ARID5B: variants seen among roughly 807,000 people sequenced by gnomAD.
The protein encoded by ARID5B is AT-rich interactive domain-containing protein 5B.
A neutral mutation model predicts 97.2 loss-of-function variants in ARID5B; 13 were observed. That is an observed-to-expected ratio of 0.13 (90% CI 0.09 to 0.21). The LOEUF (loss-of-function observed/expected upper bound fraction) is 0.21, where lower values mean the gene tolerates loss of function less well. Ranked by LOEUF, ARID5B falls within the 10% of genes least tolerant of loss-of-function variation. ARID5B has a pLI of 1.00. For missense variants in ARID5B, 1,210 were observed against 1,465.3 expected, an observed-to-expected ratio of 0.83 and a Z score of 2.84; for synonymous variants, 556 against 570.3, an observed-to-expected ratio of 0.97 and a Z score of 0.36.
intron 2 of ARID5B, among the ~76,000 whole-genome samples, chr10:61,938,820 C>A (rs2132793676): frequency 6.6e-6 from 1 of 151,574 alleles, no homozygotes; most frequent in Middle Eastern, 3.4e-3. Context: ...AGACTTTCTT[C>A]TCAGAAGCAG....
intron 8 of ARID5B, among the ~76,000 whole-genome samples, chr10:62,070,952 G>T (rs945098400): frequency 2.6e-5 from 4 of 151,802 alleles, no homozygotes; most frequent in Non-Finnish European, 5.9e-5. Flanking sequence ...TGATATCTCA[G>T]GTGAGTGTTC....
chr10:62,055,405 G>A (rs1489474462), intron 5 of ARID5B, among the ~76,000 whole-genome samples: 1 of 152,070 alleles, frequency 6.6e-6, no homozygotes, highest in Non-Finnish European at 1.5e-5. Flanking sequence ...TTTTAAGTTT[G>A]AAATAACACA....
intron 4 of ARID5B, among the ~76,000 whole-genome samples, chr10:62,032,998 C>A (rs1423608169): frequency 6.6e-6 from 1 of 152,202 alleles, no homozygotes; most frequent in Non-Finnish European, 1.5e-5. Context: ...TGGGGCCCAA[C>A]CTTCCTGAAA....
chr10:61,920,805 T>G (rs1291945177), intron 2 of ARID5B, among the ~76,000 whole-genome samples: 1 of 152,146 alleles, frequency 6.6e-6, no homozygotes, highest in Non-Finnish European at 1.5e-5. Flanking sequence ...TGGGGGGTGA[T>G]AAGGGGATGA....
chr10:62,067,541 G>C (rs1840010083), intron 7 of ARID5B, among the ~76,000 whole-genome samples: 1 of 152,242 alleles, frequency 6.6e-6, no homozygotes, highest in African/African-American at 2.4e-5. Context: ...TAAAGGTTGA[G>C]AACTCACAGC....
intron 4 of ARID5B, among the ~76,000 whole-genome samples, chr10:62,026,514 A>G (rs1271361691): frequency 1.3e-5 from 2 of 152,256 alleles, no homozygotes; most frequent in South Asian, 4.1e-4. Context: ...AAGTACTCCA[A>G]TAGAGCTAAA....
At chr10:62,036,448 T>C (rs1246154123) in intron 4 of ARID5B, among the ~76,000 whole-genome samples, 1 of 152,176 alleles carries the variant, frequency 6.6e-6, no homozygotes, top group Non-Finnish European at 1.5e-5. Context: ...ACTTTCCTGA[T>C]GGCTTTGCAA....
Position 62,000,512 on chromosome 10 carries a change from G to T in ARID5B, c.733+191G>T, listed in dbSNP as rs1230845488. 6.7e-6 allele frequency among the ~76,000 whole-genome samples: 1 copy of T among 149,260 alleles called. No individual in the cohort carries two copies. Among genetic ancestry groups the T allele is most frequent in the African/African-American group, 2.5e-5 (1 of 40,592 alleles). On this transcript the variant is annotated intron_variant, in intron 4 of 9. Coordinates refer to ENST00000279873, the MANE Select transcript of ARID5B (RefSeq NM_032199.3). This position sits in a 1 kb window ranked among gnomAD's most constrained non-coding sequence, Gnocchi z 4.4. ...CTCCTTCGTAGCCTCTGTTTACTAT[G>T]AGTAAGAGATGATTATTTATAATTT...
At chr10:61,957,796 T>C (rs924534622) in intron 3 of ARID5B, among the ~76,000 whole-genome samples, 2 of 152,266 alleles carry the variant, frequency 1.3e-5, no homozygotes, top group South Asian at 2.1e-4. Context: ...AAATAATGTA[T>C]GTGTCTCACT....
intron 2 of ARID5B, among the ~76,000 whole-genome samples, chr10:61,931,031 G>A (rs1287914994): frequency 6.6e-6 from 1 of 152,162 alleles, no homozygotes; most frequent in Admixed American, 6.5e-5. Flanking sequence ...GTTCTTAACA[G>A]GAAGGAGAGT....
intron 3 of ARID5B, among the ~76,000 whole-genome samples, chr10:61,966,501 G>C (rs1270830749): frequency 2.0e-5 from 3 of 152,060 alleles, no homozygotes; most frequent in Admixed American, 2.0e-4. Flanking sequence ...GTGATATTGA[G>C]ATTACTTGCC....
intron 4 of ARID5B, among the ~76,000 whole-genome samples, chr10:62,019,604 A>T (rs1284707350): frequency 2.6e-5 from 4 of 152,206 alleles, no homozygotes; most frequent in Non-Finnish European, 5.9e-5. Context: ...TAAGAGTATT[A>T]TTATGTATCC....
intron 4 of ARID5B, chr10:62,024,671 G>A (rs2393734): frequency 0.98 from 390,054 of 396,244 alleles, 192,283 homozygotes; most frequent in East Asian, 1. Context: ...TTTTTCTTTC[G>A]GGAGGCAGAT....
intron 2 of ARID5B, among the ~76,000 whole-genome samples, chr10:61,925,470 T>C (rs1844087983): frequency 6.6e-6 from 1 of 151,922 alleles, no homozygotes; most frequent in Non-Finnish European, 1.5e-5. Context: ...GACCATGGAG[T>C]TTACACCCTA....
intron 3 of ARID5B, among the ~76,000 whole-genome samples, chr10:61,987,152 A>C (rs1176452144): frequency 6.6e-6 from 1 of 152,196 alleles, no homozygotes; most frequent in Non-Finnish European, 1.5e-5. Context: ...CCCACATGCG[A>C]TCTGTTAGGT....
intron 7 of ARID5B, among the ~76,000 whole-genome samples, chr10:62,065,196 A>T (rs1179618324): frequency 1.3e-5 from 2 of 152,206 alleles, no homozygotes; most frequent in African/African-American, 2.4e-5. Context: ...AATAACTTTC[A>T]AATGTCTTCA....
chr10:62,078,887 C>T (rs1052592273), intron 8 of ARID5B, among the ~76,000 whole-genome samples: 2 of 152,228 alleles, frequency 1.3e-5, no homozygotes, highest in African/African-American at 4.8e-5. Context: ...TCAAGTTTCT[C>T]TTACCATCCG....
chr10:62,040,443 T>C (rs2132916750), intron 4 of ARID5B, among the ~76,000 whole-genome samples: 1 of 152,252 alleles, frequency 6.6e-6, no homozygotes, highest in East Asian at 1.9e-4. Context: ...TATTGAAACA[T>C]TGAATCGTGA....
intron 3 of ARID5B, among the ~76,000 whole-genome samples, chr10:61,963,524 C>T (rs991131326): frequency 1.3e-5 from 2 of 151,854 alleles, no homozygotes; most frequent in Non-Finnish European, 2.9e-5. Context: ...CATGACACCA[C>T]CCCACATCTC....
Sources: allele counts gnomAD v4.1 joint callset (sites outside exome capture counted in the v4.1 genomes callset), GRCh38; gene constraint gnomAD v4.1.1; non-coding constraint Gnocchi (gnomAD v3.1); transcripts MANE v1.5; gene names NCBI Gene and HGNC (gene_info 2026-07-23, HGNC 2026-07-21).